Variants in TTLL5 observed in about 807,000 individuals in gnomAD.
The protein encoded by TTLL5 is tubulin polyglutamylase TTLL5.
In TTLL5, 132 loss-of-function variants were observed where a neutral mutation model predicts 168.4. That is an observed-to-expected ratio of 0.78 (90% confidence interval 0.68 to 0.91). The LOEUF is 0.91. Ranked by LOEUF, TTLL5 falls within the 40% of genes least tolerant of loss-of-function variation. The pLI is 0.00. For synonymous variants in TTLL5, 546 were observed against 558.6 expected (o/e 0.98, Z 0.32); for missense variants, 1,545 against 1,581.5 (o/e 0.98, Z 0.39).
intron 31 of TTLL5, among the ~76,000 whole-genome samples, chr14:75,915,432 C>T (rs1357920818): frequency 6.6e-6 from 1 of 152,238 alleles, no homozygotes; most frequent in Non-Finnish European, 1.5e-5. Context: ...AGCATTACCA[C>T]TGCTGTTGTC....
chr14:75,668,098 A>T (rs1883431437), intron 2 of TTLL5, among the ~76,000 whole-genome samples: 1 of 151,976 alleles, frequency 6.6e-6, no homozygotes, highest in Admixed American at 6.6e-5. Flanking sequence ...GGAGGGGCTG[A>T]CTTGGCCCTG....
At position 75,783,380 on chromosome 14, in the gene TTLL5, T is replaced by G; in HGVS notation, c.2836T>G (p.Cys946Gly). Reference sequence around the variant, plus strand: ...CACAGTCTCTGCCAGTGCTTCTCCCTGCCTACATCCCGGGGCACAGAACAT... The same window carrying G: ...CACAGTCTCTGCCAGTGCTTCTCCCGGCCTACATCCCGGGGCACAGAACAT... ...LNTVSASASP[C>G]LHPGAQNIPS... Residue 946 changes from cysteine to glycine, a missense_variant, in exon 26 of 32, where the codon TGC (cysteine) becomes GGC (glycine). Cys to Gly is a radical substitution (Grantham distance 159, BLOSUM62 -3). Transcript: ENST00000298832. 6.2e-7 allele frequency: 1 copy of G among 1,614,224 alleles called. No homozygotes were observed. Among genetic ancestry groups the G allele is most frequent in the Non-Finnish European group, 8.5e-7 (1 of 1,180,032 alleles).
chr14:75,882,583 CT>C, intron 29 of TTLL5, 101 bp from the exon 30 acceptor site: 1 of 1,056,806 alleles, frequency 9.5e-7, no homozygotes. Flanking sequence ...AACAGTTGTC[CT>C]TTTCTTTTTG....
intron 28 of TTLL5, among the ~76,000 whole-genome samples, chr14:75,842,363 G>A (rs1896307964): frequency 1.3e-5 from 2 of 152,154 alleles, no homozygotes; most frequent in South Asian, 4.1e-4. Flanking sequence ...TTACTTCAAG[G>A]GTGTTTTGTT....
chr14:75,764,827 G>A, intron 19 of TTLL5, 55 bp downstream of exon 19: 1 of 1,597,120 alleles, frequency 6.3e-7, no homozygotes, highest in South Asian at 1.1e-5. Context: ...GCCAGACTGA[G>A]TTAACCAGCT....
At chr14:75,872,723 A>G (rs948187589) in intron 29 of TTLL5, among the ~76,000 whole-genome samples, 1 of 152,000 alleles carries the variant, frequency 6.6e-6, no homozygotes, top group African/African-American at 2.4e-5. Context: ...CAGCCTGACC[A>G]CCGTGGAGAA....
intron 27 of TTLL5, among the ~76,000 whole-genome samples, chr14:75,809,199 A>T (rs577950935): frequency 6.6e-6 from 1 of 152,272 alleles, no homozygotes; most frequent in African/African-American, 2.4e-5. Context: ...ATAAATTTGC[A>T]TTAATTTCAA....
chr14:75,927,649 G>A (rs1450893939), intron 31 of TTLL5, among the ~76,000 whole-genome samples: 1 of 152,310 alleles, frequency 6.6e-6, no homozygotes, highest in South Asian at 2.1e-4. Flanking sequence ...GCAGAAAGAT[G>A]TCTGGGCTCT....
At chr14:75,682,594 A>G (rs780048960) in intron 4 of TTLL5, among the ~76,000 whole-genome samples, 6 of 152,140 alleles carry the variant, frequency 3.9e-5, no homozygotes, top group Non-Finnish European at 5.9e-5. Context: ...CTTGAAAACC[A>G]TGGAGTAAGT....
At chr14:75,713,329 A>G (rs1887221565) in intron 9 of TTLL5, among the ~76,000 whole-genome samples, 1 of 152,252 alleles carries the variant, frequency 6.6e-6, no homozygotes, top group South Asian at 2.1e-4. Flanking sequence ...AGTATTCAGT[A>G]TAGTACAATG....
chr14:75,814,707 G>A (rs1260289620), intron 27 of TTLL5: 1 of 152,208 alleles, frequency 6.6e-6, no homozygotes, highest in African/African-American at 2.4e-5. Context: ...TTAATCTAGA[G>A]ATAATTTGCT....
Position 75,914,030 on chromosome 14 carries a change from A to AT in TTLL5, c.3823+11806_3823+11807insT, listed in dbSNP as rs1566657924. Among the ~76,000 whole-genome samples the AT allele has an allele frequency of 1.4e-3, 161 of 117,072 alleles. 4 individuals are homozygous for AT. Among genetic ancestry groups the AT allele is most frequent in the African/African-American group, 6.8e-3 (148 of 21,814 alleles). 76.8% of individuals were successfully genotyped at this position (117,072 alleles called of 152,430 possible). ...ACTGTTTAAAAGGAAAAAAAAAAAA[A>AT]AAAATATATATATATATATATATAT... On this transcript the variant is annotated intron_variant, in intron 31 of 31. Transcript: ENST00000298832.
intron 30 of TTLL5, chr14:75,886,607 G>C: frequency 7.1e-7 from 1 of 1,401,072 alleles, no homozygotes; most frequent in Non-Finnish European, 9.7e-7. Flanking sequence ...TCTGTGAAGG[G>C]AATGATTTAA....
intron 29 of TTLL5, among the ~76,000 whole-genome samples, chr14:75,864,962 A>C (rs1379489115): frequency 6.6e-6 from 1 of 152,186 alleles, no homozygotes; most frequent in Non-Finnish European, 1.5e-5. Context: ...TTATTTCAAC[A>C]TAGTTCATCA....
chr14:75,777,994 A>C (rs934016446), intron 23 of TTLL5, among the ~76,000 whole-genome samples: 1 of 151,934 alleles, frequency 6.6e-6, no homozygotes, highest in Non-Finnish European at 1.5e-5. Flanking sequence ...AAAACAAAAA[A>C]CAGATTGTGT....
intron 31 of TTLL5, among the ~76,000 whole-genome samples, chr14:75,921,911 G>T (rs1341371578): frequency 6.6e-6 from 1 of 152,182 alleles, no homozygotes; most frequent in African/African-American, 2.4e-5. Flanking sequence ...TTGAGCAGTA[G>T]TTTGTAGTTC....
intron 31 of TTLL5, among the ~76,000 whole-genome samples, chr14:75,937,181 A>C (rs953398920): frequency 6.6e-6 from 1 of 151,376 alleles, no homozygotes; most frequent in Non-Finnish European, 1.5e-5. Flanking sequence ...CAGTGGCACG[A>C]TCTCAGCTCA....
At chr14:75,718,681 A>G (rs1478914536) in intron 10 of TTLL5, among the ~76,000 whole-genome samples, 1 of 152,238 alleles carries the variant, frequency 6.6e-6, no homozygotes, top group Non-Finnish European at 1.5e-5. Context: ...AGAAAAGGAA[A>G]AAATCAAAGA....
At chr14:75,906,458 C>A in intron 31 of TTLL5, 1 of 900,852 alleles carries the variant, frequency 1.1e-6, no homozygotes, top group Non-Finnish European at 1.3e-6. Context: ...TCTGGGGGAA[C>A]GGTGATCCCC....
Sources: gnomAD v4.1 joint callset for allele counts (sites outside exome capture counted in the v4.1 genomes callset) on GRCh38, gnomAD v4.1.1 for gene constraint, MANE v1.5 for transcripts, NCBI Gene and HGNC (gene_info 2026-07-23, HGNC 2026-07-21) for gene names.